IL6ST: variants seen among roughly 807,000 people sequenced by gnomAD.
IL6ST encodes interleukin 6 cytokine family signal transducer.
A neutral mutation model predicts 91.3 loss-of-function variants in IL6ST; 24 were observed. The ratio of observed to expected loss-of-function variants is 0.26; its 90% CI spans 0.19 to 0.37. IL6ST has a LOEUF of 0.37. IL6ST is among the 10% of genes least tolerant of loss of function. The probability of loss-of-function intolerance (pLI) is 1.00; values close to 1 mark genes in which losing one functional copy is unlikely to be tolerated. For synonymous variants in IL6ST, 351 were observed against 373.6 expected, an observed-to-expected ratio of 0.94 and a Z score of 0.70; for missense variants, 914 against 1,078.5, an observed-to-expected ratio of 0.85 and a Z score of 2.14.
At chr5:55,975,160 A>G (rs1753211583) in intron 3 of IL6ST, among the ~76,000 whole-genome samples, 1 of 151,974 alleles carries the variant, frequency 6.6e-6, no homozygotes, top group Non-Finnish European at 1.5e-5. Flanking sequence ...CCCCACCCAA[A>G]TCTCATGTCG....
intron 15 of IL6ST, among the ~76,000 whole-genome samples, chr5:55,946,123 T>C (rs1751235174): frequency 6.6e-6 from 1 of 152,156 alleles, no homozygotes; most frequent in East Asian, 1.9e-4. Context: ...AAAGAAAATA[T>C]GTAAGTGACA....
At chr5:55,952,210 C>A in intron 12 of IL6ST, 40 bp downstream of exon 12, 1 of 1,527,436 alleles carries the variant, frequency 6.5e-7, no homozygotes, top group Non-Finnish European at 9.0e-7. Context: ...TAATACAAAG[C>A]CCTAAACTTT....
At chr5:55,970,231 T>G (rs1266304152) in intron 3 of IL6ST, among the ~76,000 whole-genome samples, 1 of 152,170 alleles carries the variant, frequency 6.6e-6, no homozygotes, top group Non-Finnish European at 1.5e-5. Flanking sequence ...CAGGCAGTGG[T>G]GGTCTCCTCT....
chr5:55,974,520 T>G (rs1010241474), intron 3 of IL6ST, among the ~76,000 whole-genome samples: 2 of 152,020 alleles, frequency 1.3e-5, no homozygotes, highest in Non-Finnish European at 2.9e-5. Context: ...GGTTTCACTC[T>G]GTCACCCAGA....
In IL6ST at chr5:55,940,506, G is replaced by A. The variant is rs1225469550; in HGVS notation, c.*576C>T. 2 of 213,522 alleles carry A rather than the reference G, an allele frequency of 9.4e-6. No individual in the cohort carries two copies. The allele number at this position is 213,522 out of a possible 1,614,324, so 13.2% of individuals were successfully genotyped here. A position where few individuals can be genotyped will look rare whatever the true frequency, so the allele number is the denominator to read the frequency against. On this transcript the variant is annotated 3_prime_UTR_variant, in exon 17 of 17. Coordinates refer to ENST00000381298, the MANE Select transcript of IL6ST (RefSeq NM_002184.4). ...ATAACTCGCAGCATCACTACCAATGGAAGGGACCTAAGGAATACCGTGTAC... is the reference window on the plus strand; with the variant it reads ...ATAACTCGCAGCATCACTACCAATGAAAGGGACCTAAGGAATACCGTGTAC...
intron 1 of IL6ST, among the ~76,000 whole-genome samples, chr5:55,984,554 G>C (rs959949061): frequency 6.6e-6 from 1 of 152,174 alleles, no homozygotes; most frequent in Admixed American, 6.5e-5. Flanking sequence ...CAGAAGCTAG[G>C]AGAGGCAAAG....
chr5:55,986,380 C>G (rs374559912), intron 1 of IL6ST, among the ~76,000 whole-genome samples: 2 of 152,154 alleles, frequency 1.3e-5, no homozygotes, highest in African/African-American at 4.8e-5. Context: ...TTTGATATTA[C>G]TATAGCCAAT....
intron 14 of IL6ST, among the ~76,000 whole-genome samples, chr5:55,949,486 A>G (rs968470071): frequency 5.3e-5 from 8 of 152,112 alleles, no homozygotes; most frequent in African/African-American, 1.9e-4. Flanking sequence ...AAAACAAACA[A>G]ACAAAAAATA....
chr5:55,980,691 T>C lies in IL6ST; in HGVS notation c.-16+2033A>G, dbSNP rs193197230. Among the ~76,000 whole-genome samples the C allele has an allele frequency of 1.4e-3, 208 of 152,046 alleles. No individual in the cohort carries two copies. The Middle Eastern group carries it at 0.017, about 12-fold the overall frequency. On this transcript the variant is annotated intron_variant, in intron 2 of 16. Transcript: ENST00000381298. Reference sequence around the variant, plus strand: ...AACCTGTACATGAACTCCCTGAACCTAAAATAAAAGCTAAAATTATTAAAG... The same window carrying C: ...AACCTGTACATGAACTCCCTGAACCCAAAATAAAAGCTAAAATTATTAAAG...
At chr5:55,971,956 C>T (rs558087250) in intron 3 of IL6ST, among the ~76,000 whole-genome samples, 1 of 152,106 alleles carries the variant, frequency 6.6e-6, no homozygotes, top group Non-Finnish European at 1.5e-5. Context: ...TACTGTAAAT[C>T]TTAGTGCATA....
At chr5:55,947,678 C>T (rs1005058376) in intron 14 of IL6ST, 89 bp from the exon 15 acceptor site, 11 of 719,670 alleles carry the variant, frequency 1.5e-5, no homozygotes, top group Non-Finnish European at 2.6e-5. Flanking sequence ...AACTTCCCAA[C>T]CAGACTTACT....
chr5:55,945,676 T>TTTTTA (rs1554023164), intron 15 of IL6ST, among the ~76,000 whole-genome samples: 1 of 133,948 alleles, frequency 7.5e-6, no homozygotes, highest in African/African-American at 3.2e-5. Flanking sequence ...TTTTTTTTTT[T>TTTTTA]CAGACACTCT....
In IL6ST at chr5:55,936,347, T is replaced by G. The variant is rs960145057; in HGVS notation, c.*4735A>C. ...GCTCTTGACAACCAAGTAGGTTTTT[T>G]TTTTTTTTTTTTTTTTTAATGTCCA... is the stretch of plus-strand genomic sequence containing the variant. On this transcript the variant is annotated 3_prime_UTR_variant, in exon 17 of 17. Transcript: ENST00000381298. 2 of 208,178 alleles carry G rather than the reference T, an allele frequency of 9.6e-6. No homozygotes were observed. The highest frequency in any genetic ancestry group is 2.4e-5 in the African/African-American group (1 of 41,810). The allele number at this position is 208,178 out of a possible 1,614,324, so 12.9% of individuals were successfully genotyped here. A position where few individuals can be genotyped will look rare whatever the true frequency, so the allele number is the denominator to read the frequency against.
intron 2 of IL6ST, among the ~76,000 whole-genome samples, chr5:55,981,650 T>C (rs1416517673): frequency 6.8e-6 from 1 of 147,118 alleles, no homozygotes; most frequent in Admixed American, 6.8e-5. Context: ...CTCAAAAAAA[T>C]AAAAAAAAAA....
rs1750644263 is a variant in IL6ST at position 55,938,004 on chromosome 5, T to C, written c.*3078A>G. 1 of 190,874 alleles carries C rather than the reference T, an allele frequency of 5.2e-6. No individual in the cohort carries two copies. Among genetic ancestry groups the C allele is most frequent in the Admixed American group, 6.1e-5 (1 of 16,316 alleles). 11.8% of individuals were successfully genotyped at this position (190,874 alleles called of 1,614,324 possible). A position where few individuals can be genotyped will look rare whatever the true frequency, so the allele number is the denominator to read the frequency against. On this transcript the variant is annotated 3_prime_UTR_variant, in exon 17 of 17. Transcript: ENST00000381298. ...ACTTCTACATTTACATGTCATGGTTTTAACTAGTTAAATGGGTAGAAAAAA... is the reference window on the plus strand; with the variant it reads ...ACTTCTACATTTACATGTCATGGTTCTAACTAGTTAAATGGGTAGAAAAAA...
intron 3 of IL6ST, among the ~76,000 whole-genome samples, chr5:55,971,742 G>C (rs1373396383): frequency 6.6e-6 from 1 of 152,148 alleles, no homozygotes. Flanking sequence ...GCTGAGGCAG[G>C]AGGATTGCTT....
At chr5:55,950,213 T>C (rs748573369) in intron 14 of IL6ST, 3 of 485,836 alleles carry the variant, frequency 6.2e-6, no homozygotes, top group South Asian at 1.5e-5. Context: ...GCTAAAGCCA[T>C]GGACAGAGTT....
intron 2 of IL6ST, among the ~76,000 whole-genome samples, chr5:55,981,261 T>C (rs372223416): frequency 2.6e-5 from 4 of 152,198 alleles, no homozygotes; most frequent in East Asian, 3.8e-4. Context: ...CTTGATTTCA[T>C]AGTCCAAATC....
In IL6ST at chr5:55,941,538, G is replaced by A. The variant is rs756589757; in HGVS notation, c.2301C>T (p.Tyr767=). ...CTTGGACTGACGGAACTTGGTGTCT[G>A]TAGCCACTGTGTACCACGGTAGAAT... is the stretch of plus-strand genomic sequence containing the variant. ...VQYSTVVHSG[Y]RHQVPSVQVF... is the part of the protein sequence containing the mutation. Residue 767 remains tyrosine (Y), a synonymous_variant, in exon 17 of 17, where the codon TAC becomes TAT. Transcript: ENST00000381298. The A allele has an allele frequency of 6.2e-7, 1 of 1,614,154 alleles. No homozygotes were observed. The highest frequency in any genetic ancestry group is 2.2e-5 in the East Asian group (1 of 44,894).
Sources: allele counts gnomAD v4.1 joint callset (sites outside exome capture counted in the v4.1 genomes callset), GRCh38; gene constraint gnomAD v4.1.1; transcripts MANE v1.5; gene names NCBI Gene and HGNC (gene_info 2026-07-23, HGNC 2026-07-21).